Variants in NAALADL2 observed in about 807,000 individuals in gnomAD.
NAALADL2 encodes inactive N-acetylated-alpha-linked acidic dipeptidase-like protein 2.
A neutral mutation model predicts 87.2 loss-of-function variants in NAALADL2; 76 were observed. The ratio of observed to expected loss-of-function variants is 0.87; its 90% confidence interval spans 0.72 to 1.05. NAALADL2 has a LOEUF of 1.05. Ranked by LOEUF, NAALADL2 falls within the 50% of genes least tolerant of loss-of-function variation. The pLI is 0.00. For synonymous variants in NAALADL2, 354 were observed against 331.0 expected (o/e 1.07, Z -0.75); for missense variants, 1,089 against 945.8 (o/e 1.15, Z -1.99).
intron 1 of NAALADL2, among the ~76,000 whole-genome samples, chr3:174,493,908 T>C (rs898921104): frequency 2.0e-5 from 3 of 152,312 alleles, no homozygotes; most frequent in South Asian, 4.1e-4. Flanking sequence ...GTTTGAAAAG[T>C]GCTGTGATAG....
chr3:175,590,029 G>A (rs1234422890), intron 10 of NAALADL2, among the ~76,000 whole-genome samples: 1 of 151,806 alleles, frequency 6.6e-6, no homozygotes, highest in Non-Finnish European at 1.5e-5. Flanking sequence ...TGGCTAACAC[G>A]GTGAAGCCCC....
At chr3:175,135,738 A>C (rs1729024728) in intron 2 of NAALADL2, among the ~76,000 whole-genome samples, 1 of 152,202 alleles carries the variant, frequency 6.6e-6, no homozygotes, top group South Asian at 2.1e-4. Context: ...AGATAAAACT[A>C]ATGTCAGAGA....
At chr3:175,582,208 A>C (rs1398337133) in intron 10 of NAALADL2, among the ~76,000 whole-genome samples, 3 of 152,002 alleles carry the variant, frequency 2.0e-5, no homozygotes, top group African/African-American at 7.2e-5. Flanking sequence ...TTGAAATATG[A>C]GACAAATACT....
chr3:175,264,565 C>T (rs762159624), intron 4 of NAALADL2, among the ~76,000 whole-genome samples: 5 of 151,558 alleles, frequency 3.3e-5, no homozygotes, highest in East Asian at 3.9e-4. Flanking sequence ...TGCTTTGTAG[C>T]GTAATTTGAT....
At chr3:175,705,956 G>A (rs193155317) in intron 11 of NAALADL2, among the ~76,000 whole-genome samples, 1 of 152,240 alleles carries the variant, frequency 6.6e-6, no homozygotes, top group East Asian at 1.9e-4. Flanking sequence ...CCTTGGCAAA[G>A]GAAGTAACAT....
At chr3:175,683,890 G>A (rs368769345) in intron 11 of NAALADL2, among the ~76,000 whole-genome samples, 19 of 152,064 alleles carry the variant, frequency 1.2e-4, no homozygotes, top group African/African-American at 4.6e-4. Flanking sequence ...CTACAAGTGA[G>A]ACAAAGTGTT....
chr3:175,525,561 T>C (rs550767983), intron 9 of NAALADL2, among the ~76,000 whole-genome samples: 6 of 152,098 alleles, frequency 3.9e-5, no homozygotes, highest in Non-Finnish European at 8.8e-5. Flanking sequence ...GCTTTATTCC[T>C]CAATAATTAT....
chr3:175,382,367 G>T (rs563907208), intron 5 of NAALADL2, among the ~76,000 whole-genome samples: 1 of 152,010 alleles, frequency 6.6e-6, no homozygotes, highest in African/African-American at 2.4e-5. Context: ...TTGTAGACAG[G>T]AATCTTTCTG....
At position 174,936,678 on chromosome 3, in the gene NAALADL2, T is replaced by C. The variant is rs80033178; in HGVS notation, c.43+77228T>C. ...AGTAGTTTTTGCTTCTCTTTTTGTT[T>C]GTAATCACCTAAATGTGCTTTCCAA... On this transcript the variant is annotated intron_variant, in intron 1 of 13. Coordinates refer to ENST00000454872, the MANE Select transcript of NAALADL2 (RefSeq NM_207015.3). Among the ~76,000 whole-genome samples, 625 of 152,248 alleles carry C rather than the reference T, an allele frequency of 4.1e-3. 1 individual carries two copies. The highest frequency in any genetic ancestry group is 7.5e-3 in the Admixed American group (114 of 15,286).
At chr3:174,996,676 G>A (rs1257120944) in intron 1 of NAALADL2, among the ~76,000 whole-genome samples, 1 of 152,064 alleles carries the variant, frequency 6.6e-6, no homozygotes, top group Non-Finnish European at 1.5e-5. Flanking sequence ...GGTTCAAGTG[G>A]TTTTTGGTTA....
chr3:175,332,684 G>A (rs1761538218), intron 5 of NAALADL2, among the ~76,000 whole-genome samples: 1 of 152,172 alleles, frequency 6.6e-6, no homozygotes, highest in African/African-American at 2.4e-5. Flanking sequence ...TCTACATGCT[G>A]ATGAGAAGAA....
intron 1 of NAALADL2, among the ~76,000 whole-genome samples, chr3:175,038,843 A>C (rs1753721393): frequency 6.6e-6 from 1 of 152,072 alleles, no homozygotes; most frequent in Non-Finnish European, 1.5e-5. Context: ...GCAAACGTAA[A>C]CAGTTTTGAA....
At chr3:174,549,478 A>G (rs985233174) in intron 1 of NAALADL2, among the ~76,000 whole-genome samples, 7 of 152,186 alleles carry the variant, frequency 4.6e-5, no homozygotes, top group Non-Finnish European at 8.8e-5. Context: ...TAAATATGCA[A>G]ATCTATCCTT....
chr3:174,558,879 A>T (rs1212413518), intron 2 of NAALADL2, among the ~76,000 whole-genome samples: 1 of 152,178 alleles, frequency 6.6e-6, no homozygotes, highest in Non-Finnish European at 1.5e-5. Context: ...GAATATGCTG[A>T]AAGAAGCAGC....
At chr3:174,747,205 C>A (rs1197927549) in intron 3 of NAALADL2, among the ~76,000 whole-genome samples, 1 of 152,086 alleles carries the variant, frequency 6.6e-6, no homozygotes, top group African/African-American at 2.4e-5. Flanking sequence ...TATCCAGAAT[C>A]TACAAGGAAC....
At chr3:175,326,620 T>C (rs1299444429) in intron 5 of NAALADL2, among the ~76,000 whole-genome samples, 3 of 152,226 alleles carry the variant, frequency 2.0e-5, no homozygotes, top group African/African-American at 7.2e-5. Flanking sequence ...GAGATTTGTT[T>C]CTTACAGTTC....
intron 12 of NAALADL2, among the ~76,000 whole-genome samples, chr3:175,742,710 G>A (rs570726505): frequency 2.0e-5 from 3 of 151,972 alleles, no homozygotes; most frequent in South Asian, 2.1e-4. Context: ...TGTAATGTAA[G>A]TTTTGCATGA....
At chr3:175,072,232 T>G (rs6785940) in intron 1 of NAALADL2, among the ~76,000 whole-genome samples, 17,014 of 152,064 alleles carry the variant, frequency 0.11, 1,082 homozygotes, top group East Asian at 0.22. Flanking sequence ...TGAATTCACA[T>G]GTTTATCCTG....
intron 13 of NAALADL2, among the ~76,000 whole-genome samples, chr3:175,779,429 T>A (rs1190860832): frequency 6.6e-6 from 1 of 152,216 alleles, no homozygotes; most frequent in Non-Finnish European, 1.5e-5. Flanking sequence ...GTTATTGATA[T>A]TACTTTTTAG....
Sources: gnomAD v4.1 joint callset for allele counts (sites outside exome capture counted in the v4.1 genomes callset) on GRCh38, gnomAD v4.1.1 for gene constraint, MANE v1.5 for transcripts, NCBI Gene and HGNC (gene_info 2026-07-23, HGNC 2026-07-21) for gene names.